The following KDM4C variants were observed in gnomAD, a reference collection of about 807,000 sequenced individuals.
KDM4C encodes the protein lysine demethylase 4C.
In KDM4C, 81 loss-of-function variants were observed where a neutral mutation model predicts 129.3. The ratio of observed to expected loss-of-function variants is 0.63; its 90% CI spans 0.52 to 0.75. The LOEUF is 0.75. Among genes scored for constraint, KDM4C ranks in the 30% least tolerant of loss-of-function variants. The probability of loss-of-function intolerance (pLI) is 0.00; values close to 1 mark genes in which losing one functional copy is unlikely to be tolerated. For missense variants in KDM4C, 1,457 were observed against 1,304.0 expected, an observed-to-expected ratio of 1.12 and a Z score of -1.81; for synonymous variants, 573 against 456.1, an observed-to-expected ratio of 1.26 and a Z score of -3.26.
At chr9:7,002,100 C>T (rs1438218988) in intron 12 of KDM4C, among the ~76,000 whole-genome samples, 1 of 152,146 alleles carries the variant, frequency 6.6e-6, no homozygotes, top group Non-Finnish European at 1.5e-5. Flanking sequence ...TCCATGTTGG[C>T]CAGGCTGGTC....
chr9:6,862,296 A>G (rs1414633807), intron 5 of KDM4C, among the ~76,000 whole-genome samples: 1 of 152,192 alleles, frequency 6.6e-6, no homozygotes, highest in African/African-American at 2.4e-5. Context: ...CCTAATGAAG[A>G]TTAACATTAC....
In KDM4C at chr9:7,124,878, G is replaced by A. The variant is rs147886983; in HGVS notation, c.2611-3188G>A. Among the ~76,000 whole-genome samples the A allele has an allele frequency of 4.5e-3, 679 of 152,220 alleles. 5 individuals carry two copies. The highest frequency in any genetic ancestry group is 0.016 in the African/African-American group (656 of 41,528). On this transcript the variant is annotated intron_variant, in intron 18 of 21. Transcript: ENST00000381309. ...GACAGAGATGGTTAGAGACCCTTAC[G>A]AAGATGTTTGCTGGGAGGGGGCTTT...
chr9:7,031,089 A>C (rs1464632661), intron 15 of KDM4C, among the ~76,000 whole-genome samples: 2 of 151,924 alleles, frequency 1.3e-5, no homozygotes, highest in Non-Finnish European at 2.9e-5. Context: ...TGGGTTTCCA[A>C]CTTAGCCATA....
intron 21 of KDM4C, among the ~76,000 whole-genome samples, chr9:7,173,203 A>T (rs150694249): frequency 6.6e-6 from 1 of 152,370 alleles, no homozygotes; most frequent in African/African-American, 2.4e-5. Context: ...TGTCAGGGCC[A>T]CAGGAGTCCC....
Position 6,893,118 on chromosome 9 carries a change from C to T in KDM4C, c.807C>T (p.Phe269=), listed in dbSNP as rs756307522. The T allele has an allele frequency of 1.3e-6, 2 of 1,591,034 alleles. No individual in the cohort carries two copies. Among genetic ancestry groups the T allele is most frequent in the Non-Finnish European group, 1.7e-6 (2 of 1,168,286 alleles). ...AGATAACCCAGGAGGCTGGAGAATTCATGATCACTTTCCCATATGGCTACC... is the reference window on the plus strand; with the variant it reads ...AGATAACCCAGGAGGCTGGAGAATTTATGATCACTTTCCCATATGGCTACC... The part of the protein sequence containing the change: ...FDKITQEAGE[F]MITFPYGYHA... The change falls in exon 8 of 22, where the codon TTC becomes TTT. Residue 269 remains phenylalanine, a synonymous_variant. Coordinates refer to ENST00000381309, the MANE Select transcript of KDM4C (RefSeq NM_015061.6).
intron 7 of KDM4C, among the ~76,000 whole-genome samples, chr9:6,890,123 CTG>C (rs1845906550): frequency 6.6e-6 from 1 of 152,186 alleles, no homozygotes; most frequent in Non-Finnish European, 1.5e-5. Context: ...TGTCATGACA[CTG>C]TATTCCTCAA....
chr9:7,169,706 C>G, intron 20 of KDM4C, 92 bp from the exon 21 acceptor site: 1 of 987,830 alleles, frequency 1.0e-6, no homozygotes, highest in East Asian at 2.6e-5. Flanking sequence ...CTGTTTGAGT[C>G]CTTTTCATCT....
intron 8 of KDM4C, among the ~76,000 whole-genome samples, chr9:6,943,674 C>CA (rs33979464): frequency 9.2e-4 from 116 of 125,974 alleles, no homozygotes; most frequent in Middle Eastern, 4.1e-3. Flanking sequence ...AATCTTGTCT[C>CA]AAAAAAAAAA....
intron 4 of KDM4C, among the ~76,000 whole-genome samples, chr9:6,821,052 A>T (rs1832949329): frequency 6.6e-6 from 1 of 152,122 alleles, no homozygotes; most frequent in Non-Finnish European, 1.5e-5. Context: ...ACATGAACTC[A>T]TCCTTTTTTA....
chr9:6,855,162 T>A (rs1348752649), intron 5 of KDM4C, among the ~76,000 whole-genome samples: 2 of 152,126 alleles, frequency 1.3e-5, no homozygotes, highest in South Asian at 4.1e-4. Context: ...TAATAAGTGT[T>A]CTTGGTTATA....
chr9:6,988,034 G>C (rs1419785246), intron 11 of KDM4C, among the ~76,000 whole-genome samples: 2 of 151,236 alleles, frequency 1.3e-5, no homozygotes, highest in Admixed American at 1.3e-4. Context: ...GTGTGCCTGT[G>C]GTCCTAGCTA....
intron 8 of KDM4C, among the ~76,000 whole-genome samples, chr9:6,937,168 C>A (rs921988495): frequency 2.0e-5 from 3 of 152,036 alleles, no homozygotes; most frequent in African/African-American, 4.8e-5. Flanking sequence ...ACATAAGAAC[C>A]TCCCGAAGTG....
intron 10 of KDM4C, 35 bp from the exon 11 acceptor site, chr9:6,986,309 C>T (rs752947369): frequency 7.0e-6 from 10 of 1,427,692 alleles, no homozygotes; most frequent in Non-Finnish European, 9.7e-6. Flanking sequence ...TAATACAGTG[C>T]ATGATTTATT....
chr9:6,949,626 G>A (rs1217592525), intron 8 of KDM4C, among the ~76,000 whole-genome samples: 1 of 152,234 alleles, frequency 6.6e-6, no homozygotes, highest in African/African-American at 2.4e-5. Flanking sequence ...ATCACTCGCG[G>A]TTAGGAGCTG....
intron 5 of KDM4C, among the ~76,000 whole-genome samples, chr9:6,857,924 T>G (rs1019140314): frequency 7.9e-4 from 93 of 117,716 alleles, no homozygotes; most frequent in African/African-American, 2.5e-3. Context: ...CTGGCTAAGT[T>G]TTTTTTTTTT....
chr9:6,865,936 G>T (rs1443709666), intron 5 of KDM4C, among the ~76,000 whole-genome samples: 1 of 151,958 alleles, frequency 6.6e-6, no homozygotes, highest in African/African-American at 2.4e-5. Context: ...TGTATTTTTA[G>T]TAGAGACAGG....
chr9:7,052,022 G>A (rs1045404681), intron 17 of KDM4C, among the ~76,000 whole-genome samples: 1 of 152,150 alleles, frequency 6.6e-6, no homozygotes, highest in Admixed American at 6.5e-5. Context: ...CGGGTCTACA[G>A]CGAAGATATA....
At chr9:6,996,588 A>C (rs1286970787) in intron 12 of KDM4C, among the ~76,000 whole-genome samples, 10 of 152,192 alleles carry the variant, frequency 6.6e-5, no homozygotes. Context: ...TTCTAATGCA[A>C]TTGTAAACTA....
intron 13 of KDM4C, among the ~76,000 whole-genome samples, chr9:7,013,559 A>G (rs818881): frequency 0.18 from 27,543 of 152,166 alleles, 2,551 homozygotes; most frequent in Admixed American, 0.22. Flanking sequence ...TTGCTTTCTT[A>G]TATGAACAGA....
Sources: allele counts gnomAD v4.1 joint callset (sites outside exome capture counted in the v4.1 genomes callset), GRCh38; gene constraint gnomAD v4.1.1; transcripts MANE v1.5; gene names NCBI Gene and HGNC (gene_info 2026-07-23, HGNC 2026-07-21).